The following ZRANB3 variants were observed in gnomAD, a reference collection of about 807,000 sequenced individuals.
The protein encoded by ZRANB3 is zinc finger RANBP2-type containing 3.
Under a neutral mutation model 133.8 loss-of-function variants are expected in ZRANB3, and 125 were observed. That is an observed-to-expected ratio of 0.93 (90% CI 0.81 to 1.08). The LOEUF (loss-of-function observed/expected upper bound fraction) is 1.08, where lower values mean the gene tolerates loss of function less well. Ranked by LOEUF, ZRANB3 falls within the 50% of genes least tolerant of loss-of-function variation. The pLI is 0.00. For synonymous variants in ZRANB3, 387 were observed against 432.7 expected, an observed-to-expected ratio of 0.89 and a Z score of 1.31; for missense variants, 1,229 against 1,275.5, an observed-to-expected ratio of 0.96 and a Z score of 0.56.
intron 2 of ZRANB3, among the ~76,000 whole-genome samples, chr2:135,399,179 C>T (rs993353764): frequency 1.1e-4 from 16 of 152,200 alleles, no homozygotes; most frequent in African/African-American, 3.4e-4. Flanking sequence ...AAATGTTTCT[C>T]TTCCCCCTGT....
intron 19 of ZRANB3, among the ~76,000 whole-genome samples, chr2:135,204,762 ATATAT>A (rs1558826321): frequency 7.1e-6 from 1 of 139,994 alleles, no homozygotes; most frequent in African/African-American, 2.8e-5. Context: ...ATATTTATAT[ATATAT>A]TATATATACT....
At chr2:135,279,201 T>C (rs1428197501) in intron 8 of ZRANB3, among the ~76,000 whole-genome samples, 1 of 152,094 alleles carries the variant, frequency 6.6e-6, no homozygotes, top group Admixed American at 6.5e-5. Flanking sequence ...TTGGCAATAA[T>C]AAAAAATTAA....
intron 8 of ZRANB3, among the ~76,000 whole-genome samples, chr2:135,312,133 ATTATTTTATTTTATT>A (rs1172988796): frequency 1.0e-5 from 1 of 98,388 alleles, no homozygotes; most frequent in Non-Finnish European, 1.8e-5. Flanking sequence ...ATTTTATTTT[ATTATTTTATTTTATT>A]TTATTTTATT....
intron 3 of ZRANB3, among the ~76,000 whole-genome samples, chr2:135,359,230 G>A (rs373239971): frequency 8.6e-5 from 13 of 152,036 alleles, no homozygotes; most frequent in Admixed American, 5.2e-4. Flanking sequence ...GAGTTTCCTT[G>A]AGCTTTATTA....
At chr2:135,396,359 C>T (rs1295337666) in intron 2 of ZRANB3, among the ~76,000 whole-genome samples, 1 of 152,206 alleles carries the variant, frequency 6.6e-6, no homozygotes, top group Non-Finnish European at 1.5e-5. Flanking sequence ...GATATCTACA[C>T]TCCCATGTTT....
intron 2 of ZRANB3, among the ~76,000 whole-genome samples, chr2:135,439,738 C>A (rs927800131): frequency 1.4e-4 from 21 of 152,166 alleles, no homozygotes; most frequent in Admixed American, 9.2e-4. Flanking sequence ...GCTTTCCCTG[C>A]CAGCAAAGAT....
At chr2:135,278,938 TGA>T (rs1472055883) in intron 8 of ZRANB3, among the ~76,000 whole-genome samples, 1 of 152,140 alleles carries the variant, frequency 6.6e-6, no homozygotes, top group African/African-American at 2.4e-5. Flanking sequence ...GATATGTGTG[TGA>T]GAGTGGGGCA....
intron 12 of ZRANB3, among the ~76,000 whole-genome samples, chr2:135,256,322 A>G (rs1420994693): frequency 6.6e-6 from 1 of 151,814 alleles, no homozygotes; most frequent in Non-Finnish European, 1.5e-5. Context: ...TGTAGCATGT[A>G]TCTTTTTTTT....
chr2:135,269,392 A>C (rs139596475), intron 10 of ZRANB3, among the ~76,000 whole-genome samples: 4 of 152,160 alleles, frequency 2.6e-5, no homozygotes, highest in Non-Finnish European at 4.4e-5. Flanking sequence ...GTAAGTATAT[A>C]AACTAAATCA....
chr2:135,405,808 C>T (rs1055789723), intron 2 of ZRANB3, among the ~76,000 whole-genome samples: 2 of 152,148 alleles, frequency 1.3e-5, no homozygotes, highest in African/African-American at 4.8e-5. Context: ...ATCTCTGGGA[C>T]ACATTCAAAG....
intron 2 of ZRANB3, among the ~76,000 whole-genome samples, chr2:135,478,776 CCTAA>C (rs1004892037): frequency 2.0e-5 from 3 of 151,652 alleles, no homozygotes; most frequent in Non-Finnish European, 4.4e-5. Context: ...GGCTGCTATT[CCTAA>C]CTATTATGAA....
At chr2:135,203,064 T>G in intron 19 of ZRANB3, 101 bp from the exon 20 acceptor site, 3 of 1,390,304 alleles carry the variant, frequency 2.2e-6, no homozygotes, top group Admixed American at 4.2e-5. Flanking sequence ...AGGAAAATCA[T>G]GGGGAAAAAT....
chr2:135,355,005 T>C lies in ZRANB3; in HGVS notation c.181-1377A>G, dbSNP rs989547078. Among the ~76,000 whole-genome samples the C allele has an allele frequency of 6.6e-5, 10 of 152,130 alleles. No homozygotes were observed. In the South Asian group the frequency reaches 2.1e-3, roughly 32 times the overall value. On this transcript the variant is annotated intron_variant, in intron 3 of 20. Transcript: ENST00000264159. ...AAGACAGGCCCTGTTTACCAGACTA[T>C]ACAAAGAGAAAAAAGAAAAATGCAG... is the stretch of plus-strand genomic sequence containing the variant.
chr2:135,498,079 A>ATAAT, intron 2 of ZRANB3, among the ~76,000 whole-genome samples: 1 of 151,308 alleles, frequency 6.6e-6, no homozygotes, highest in South Asian at 2.1e-4. Context: ...AAATAAATAA[A>ATAAT]TAAATAAATA....
At chr2:135,455,589 C>CTTTT (rs929421233) in intron 2 of ZRANB3, among the ~76,000 whole-genome samples, 27 of 126,482 alleles carry the variant, frequency 2.1e-4, no homozygotes, top group Non-Finnish European at 2.9e-4. Context: ...TGATTTTTTT[C>CTTTT]TTTTTTTTTT....
chr2:135,520,106 AGGCACGGT>A (rs1693868793), intron 1 of ZRANB3, among the ~76,000 whole-genome samples: 2 of 147,308 alleles, frequency 1.4e-5, no homozygotes, highest in Admixed American at 6.8e-5. Flanking sequence ...TGTTTTGGTC[AGGCACGGT>A]GGCTCATGCC....
At chr2:135,290,317 G>C (rs1303082734) in intron 8 of ZRANB3, among the ~76,000 whole-genome samples, 1 of 152,176 alleles carries the variant, frequency 6.6e-6, no homozygotes, top group Non-Finnish European at 1.5e-5. Context: ...GTATCTTCCT[G>C]TTGGACTAGT....
At chr2:135,436,757 A>C (rs993223265) in intron 2 of ZRANB3, among the ~76,000 whole-genome samples, 7 of 152,192 alleles carry the variant, frequency 4.6e-5, no homozygotes, top group Non-Finnish European at 1.0e-4. Context: ...GAATTTAAAA[A>C]AACTATTTTA....
At chr2:135,246,270 A>G (rs1695798571) in intron 12 of ZRANB3, among the ~76,000 whole-genome samples, 1 of 151,968 alleles carries the variant, frequency 6.6e-6, no homozygotes, top group East Asian at 1.9e-4. Flanking sequence ...GGTATTGGGA[A>G]CATGTCTGGT....
Sources: gnomAD v4.1 joint callset for allele counts (sites outside exome capture counted in the v4.1 genomes callset) on GRCh38, gnomAD v4.1.1 for gene constraint, MANE v1.5 for transcripts, NCBI Gene and HGNC (gene_info 2026-07-23, HGNC 2026-07-21) for gene names.